The following LRMDA variants were observed in gnomAD, a reference collection of about 807,000 sequenced individuals.
The protein encoded by LRMDA is leucine-rich melanocyte differentiation-associated protein.
A neutral mutation model predicts 29.8 loss-of-function variants in LRMDA; 18 were observed. The observed-to-expected ratio is 0.60, with a 90% confidence interval of 0.42 to 0.90. The LOEUF (loss-of-function observed/expected upper bound fraction) is 0.90, where lower values mean the gene tolerates loss of function less well. Ranked by LOEUF, LRMDA falls within the 40% of genes least tolerant of loss-of-function variation. The pLI is 0.00. For missense variants in LRMDA, 273 were observed against 273.9 expected (o/e 1.00, Z 0.02); for synonymous variants, 125 against 109.4 (o/e 1.14, Z -0.89).
chr10:75,564,398 T>G (rs1057202847), intron 2 of LRMDA, among the ~76,000 whole-genome samples: 1 of 152,200 alleles, frequency 6.6e-6, no homozygotes, highest in African/African-American at 2.4e-5. Flanking sequence ...AGCGCAGTAT[T>G]AGGGTGGGAG....
intron 4 of LRMDA, among the ~76,000 whole-genome samples, chr10:76,058,074 T>C (rs898889852): frequency 6.6e-6 from 1 of 152,218 alleles, no homozygotes; most frequent in African/African-American, 2.4e-5. Context: ...ACTCCCCCTT[T>C]TCTCCTTGAT....
intron 5 of LRMDA, among the ~76,000 whole-genome samples, chr10:76,077,456 G>A (rs891646207): frequency 1.3e-5 from 2 of 151,976 alleles, no homozygotes; most frequent in Admixed American, 1.3e-4. Flanking sequence ...ATGGCTAATG[G>A]CAATTTATGC....
At chr10:76,032,872 T>G (rs545552552) in intron 2 of LRMDA, among the ~76,000 whole-genome samples, 1 of 152,222 alleles carries the variant, frequency 6.6e-6, no homozygotes, top group South Asian at 2.1e-4. Flanking sequence ...GGACTGACAG[T>G]TGGCGTCTCC....
intron 2 of LRMDA, among the ~76,000 whole-genome samples, chr10:75,921,962 G>A (rs577617638): frequency 6.6e-6 from 1 of 152,160 alleles, no homozygotes; most frequent in East Asian, 1.9e-4. Context: ...TCCTCCAATT[G>A]TTCTCCTCTT....
intron 2 of LRMDA, among the ~76,000 whole-genome samples, chr10:75,901,604 A>G (rs1375652584): frequency 6.6e-6 from 1 of 152,196 alleles, no homozygotes; most frequent in African/African-American, 2.4e-5. Context: ...AAAAGAACCG[A>G]GACAATCAAT....
rs1395189621 is a variant in LRMDA, at chr10:76,089,575, T to C, written c.516+30792T>C. Among the ~76,000 whole-genome samples, 2 of 152,144 alleles carry C rather than the reference T, an allele frequency of 1.3e-5. 1 individual carries two copies. Among genetic ancestry groups the C allele is most frequent in the East Asian group, 3.9e-4 (2 of 5,178 alleles). ...AGACTTGATGCAGACTCCAGCTCAG[T>C]CATCCTTGTCTGTTATGCTTGGAGG... On this transcript the variant is annotated intron_variant, in intron 5 of 6. Transcript: ENST00000611255.
intron 5 of LRMDA, among the ~76,000 whole-genome samples, chr10:76,142,105 A>G (rs1015052707): frequency 6.6e-6 from 1 of 151,800 alleles, no homozygotes; most frequent in Admixed American, 6.6e-5. Flanking sequence ...GAAATTTTCT[A>G]CCTCAAGGTC....
intron 2 of LRMDA, among the ~76,000 whole-genome samples, chr10:75,686,129 G>A (rs1589157471): frequency 6.6e-6 from 1 of 152,214 alleles, no homozygotes; most frequent in African/African-American, 2.4e-5. Context: ...CAACAGGGTA[G>A]AGAGGTGTGA....
At chr10:76,250,872 A>C (rs746456019) in intron 5 of LRMDA, among the ~76,000 whole-genome samples, 1 of 152,186 alleles carries the variant, frequency 6.6e-6, no homozygotes, top group African/African-American at 2.4e-5. Flanking sequence ...CCTCTCTGCT[A>C]TCAATCAGAG....
intron 2 of LRMDA, among the ~76,000 whole-genome samples, chr10:75,869,144 A>C (rs1052988972): frequency 3.3e-5 from 5 of 152,210 alleles, no homozygotes; most frequent in African/African-American, 4.8e-5. Context: ...TTACACTTCT[A>C]GAACATTTTC....
chr10:76,069,445 T>G (rs1218525502), intron 5 of LRMDA, among the ~76,000 whole-genome samples: 1 of 152,232 alleles, frequency 6.6e-6, no homozygotes, highest in Non-Finnish European at 1.5e-5. Flanking sequence ...TGATAGCAAT[T>G]ACGTGCAGCC....
intron 2 of LRMDA, among the ~76,000 whole-genome samples, chr10:75,452,918 C>G (rs761533510): frequency 6.6e-5 from 10 of 152,102 alleles, no homozygotes; most frequent in Non-Finnish European, 8.8e-5. Context: ...TATTTATATA[C>G]AAGAAAGCAT....
intron 2 of LRMDA, among the ~76,000 whole-genome samples, chr10:75,502,138 G>C (rs1254762273): frequency 6.6e-6 from 1 of 152,120 alleles, no homozygotes; most frequent in Non-Finnish European, 1.5e-5. Context: ...CATGGAGAAG[G>C]CATGCCACTC....
Position 76,347,148 on chromosome 10 carries a change from C to T in LRMDA, c.601+22663C>T, listed in dbSNP as rs115158390. Among the ~76,000 whole-genome samples the T allele has an allele frequency of 6.3e-3, 952 of 152,218 alleles. 9 individuals are homozygous for T. Among genetic ancestry groups the T allele is most frequent in the African/African-American group, 0.021 (887 of 41,534 alleles). On this transcript the variant is annotated intron_variant, in intron 6 of 6. Transcript: ENST00000611255. ...CACTGGTGTGATTCTTGCATATCCCCTTTATTAATTGATCTGCATGTTCTG... is the reference window on the plus strand; with the variant it reads ...CACTGGTGTGATTCTTGCATATCCCTTTTATTAATTGATCTGCATGTTCTG...
chr10:75,945,407 A>G (rs934539240), intron 2 of LRMDA, among the ~76,000 whole-genome samples: 1 of 152,086 alleles, frequency 6.6e-6, no homozygotes, highest in East Asian at 1.9e-4. Flanking sequence ...CACTCCCTTC[A>G]CTTTCCAACT....
intron 6 of LRMDA, among the ~76,000 whole-genome samples, chr10:76,456,584 C>T (rs1036078869): frequency 2.7e-5 from 4 of 150,408 alleles, no homozygotes; most frequent in African/African-American, 9.8e-5. Flanking sequence ...AAGGTAGTTA[C>T]TGAAAATAAG....
intron 2 of LRMDA, among the ~76,000 whole-genome samples, chr10:75,636,980 T>C (rs1214940029): frequency 6.6e-6 from 1 of 152,242 alleles, no homozygotes; most frequent in African/African-American, 2.4e-5. Context: ...ATTGAACACT[T>C]ACAGTATGCC....
At chr10:75,788,061 C>T (rs548484854) in intron 2 of LRMDA, among the ~76,000 whole-genome samples, 19 of 144,324 alleles carry the variant, frequency 1.3e-4, no homozygotes, top group African/African-American at 3.0e-4. Flanking sequence ...ATTAGCTGGA[C>T]GTGGTGGTGG....
intron 4 of LRMDA, among the ~76,000 whole-genome samples, chr10:76,055,223 C>T (rs4237285): frequency 0.44 from 66,572 of 151,802 alleles, 15,143 homozygotes; most frequent in Non-Finnish European, 0.46. Context: ...GGACAATAGA[C>T]TGAGGCCAGG....
Sources: gnomAD v4.1 joint callset for allele counts (sites outside exome capture counted in the v4.1 genomes callset) on GRCh38, gnomAD v4.1.1 for gene constraint, MANE v1.5 for transcripts, NCBI Gene and HGNC (gene_info 2026-07-23, HGNC 2026-07-21) for gene names.